DZANK1: variants seen among roughly 807,000 people sequenced by gnomAD.
DZANK1 encodes double zinc ribbon and ankyrin repeat-containing protein 1.
Under a neutral mutation model 94.5 loss-of-function variants are expected in DZANK1, and 91 were observed. The ratio of observed to expected loss-of-function variants is 0.96; its 90% CI spans 0.81 to 1.15. The LOEUF is 1.15. DZANK1 is among the 50% of genes most tolerant of loss of function. DZANK1 has a pLI of 0.00. For synonymous variants in DZANK1, 312 were observed against 325.3 expected (o/e 0.96, Z 0.44); for missense variants, 903 against 916.4 (o/e 0.99, Z 0.19).
intron 13 of DZANK1, among the ~76,000 whole-genome samples, chr20:18,407,648 T>C (rs1334425458): frequency 6.6e-6 from 1 of 152,190 alleles, no homozygotes; most frequent in Non-Finnish European, 1.5e-5. Context: ...AAAATAGCTG[T>C]TTTAAGGAAA....
At chr20:18,413,064 C>T (rs145724539) in intron 12 of DZANK1, 1 of 593,092 alleles carries the variant, frequency 1.7e-6, no homozygotes, top group African/African-American at 1.9e-5. Flanking sequence ...CATTTATTAT[C>T]TAAAAGTCAG....
intron 13 of DZANK1, among the ~76,000 whole-genome samples, chr20:18,412,422 T>C (rs188528856): frequency 1.3e-5 from 2 of 152,304 alleles, no homozygotes; most frequent in Non-Finnish European, 2.9e-5. Flanking sequence ...GGAACTAGAC[T>C]ACAGGGCTAT....
chr20:18,386,882 A>AGAAC (rs201199678), intron 19 of DZANK1, among the ~76,000 whole-genome samples: 4,117 of 152,352 alleles, frequency 0.027, 90 homozygotes, highest in African/African-American at 0.057. Flanking sequence ...GCTTTCAGAA[A>AGAAC]AAACAGGTCA....
chr20:18,385,197 A>G, intron 19 of DZANK1, 107 bp from the exon 20 acceptor site: 1 of 1,025,736 alleles, frequency 9.7e-7, no homozygotes, highest in Non-Finnish European at 1.5e-6. Context: ...GACCTACTTA[A>G]CTAACCTGGG....
In DZANK1 at chr20:18,390,412, TC is replaced by T. The variant is rs914202900; in HGVS notation, c.1856del (p.Gly619GlufsTer5). ...GCAGCTGTTCAATCACAGAGACTCT[TC>T]CTTCCCCCGTGGGTCCGACTTCCTT... On this transcript the variant is annotated frameshift_variant, in exon 18 of 21. Coordinates refer to ENST00000262547, the Ensembl canonical transcript of DZANK1. LOFTEE classifies it high-confidence loss of function. 1 of 1,613,982 alleles carries T rather than the reference TC, an allele frequency of 6.2e-7. No individual in the cohort carries two copies. The highest frequency in any genetic ancestry group is 1.3e-5 in the African/African-American group (1 of 75,046).
At chr20:18,455,821 G>T (rs560376024) in intron 3 of DZANK1, among the ~76,000 whole-genome samples, 9 of 152,150 alleles carry the variant, frequency 5.9e-5, no homozygotes, top group African/African-American at 2.2e-4. Context: ...TCTCTCTCAT[G>T]TGGTTAGCTT....
intron 10 of DZANK1, among the ~76,000 whole-genome samples, chr20:18,426,726 G>A (rs3818216): frequency 0.12 from 17,535 of 152,208 alleles, 1,605 homozygotes; most frequent in East Asian, 0.53. Flanking sequence ...GGACTATGGG[G>A]TGTGGGAAGG....
intron 8 of DZANK1, among the ~76,000 whole-genome samples, chr20:18,435,729 T>G (rs2058493829): frequency 1.3e-5 from 2 of 151,834 alleles, no homozygotes; most frequent in South Asian, 4.2e-4. Context: ...ACCTGCATGT[T>G]CTGCACATGT....
intron 12 of DZANK1, chr20:18,413,366 T>C (rs2057345269): frequency 6.5e-6 from 1 of 154,126 alleles, no homozygotes; most frequent in Non-Finnish European, 1.4e-5. Context: ...ACCAGTATAT[T>C]ACAAGCAATT....
intron 13 of DZANK1, among the ~76,000 whole-genome samples, chr20:18,406,607 A>ATTGTAGTG (rs2056979529): frequency 6.6e-6 from 1 of 152,246 alleles, no homozygotes; most frequent in Non-Finnish European, 1.5e-5. Context: ...GGGAAGACCC[A>ATTGTAGTG]GCACATTCCA....
At chr20:18,443,918 C>T (rs372684541) in intron 7 of DZANK1, among the ~76,000 whole-genome samples, 3 of 152,296 alleles carry the variant, frequency 2.0e-5, no homozygotes, top group African/African-American at 7.2e-5. Flanking sequence ...TTTCTCTTTG[C>T]CCACCTTTGC....
intron 9 of DZANK1, among the ~76,000 whole-genome samples, chr20:18,431,536 A>C (rs2058287117): frequency 6.6e-6 from 1 of 152,192 alleles, no homozygotes; most frequent in Non-Finnish European, 1.5e-5. Flanking sequence ...CACCCTTATG[A>C]CATCTGGGAG....
chr20:18,412,723 T>A (rs1198698231), exon 13 of DZANK1: 1 of 1,613,764 alleles, frequency 6.2e-7, no homozygotes, highest in South Asian at 1.1e-5. Flanking sequence ...AGAGGCTAGT[T>A]CCTGTTCCTT....
intron 9 of DZANK1, among the ~76,000 whole-genome samples, chr20:18,427,409 A>G (rs564901604): frequency 6.6e-5 from 10 of 151,732 alleles, no homozygotes; most frequent in African/African-American, 2.4e-4. Context: ...TCTGGTGTCC[A>G]GCTCCTGGCC....
At chr20:18,385,482 C>G (rs2048427925) in intron 19 of DZANK1, among the ~76,000 whole-genome samples, 1 of 149,908 alleles carries the variant, frequency 6.7e-6, no homozygotes, top group Admixed American at 6.6e-5. Flanking sequence ...GTGGTGTGAT[C>G]TCGGCTCACT....
chr20:18,421,560 A>G (rs180954830), intron 10 of DZANK1: 2 of 152,246 alleles, frequency 1.3e-5, no homozygotes, highest in Non-Finnish European at 2.9e-5. Context: ...GTTTGCATTT[A>G]TCAGAAGCTC....
chr20:18,438,135 C>A (rs957259086), intron 8 of DZANK1, among the ~76,000 whole-genome samples: 9 of 137,356 alleles, frequency 6.6e-5, no homozygotes, highest in African/African-American at 2.4e-4. Context: ...AGGAGAATGG[C>A]GTGAACCTGG....
At chr20:18,401,022 C>T (rs1321694908) in intron 13 of DZANK1, among the ~76,000 whole-genome samples, 21 of 151,930 alleles carry the variant, frequency 1.4e-4, no homozygotes, top group Admixed American at 3.9e-4. Flanking sequence ...CTGCAACCTC[C>T]GCCTCCCGGG....
chr20:18,456,279 T>C (rs2059286567), intron 3 of DZANK1, among the ~76,000 whole-genome samples: 1 of 152,210 alleles, frequency 6.6e-6, no homozygotes, highest in African/African-American at 2.4e-5. Context: ...TCATAATATT[T>C]CACAATTCAT....
Sources: allele counts gnomAD v4.1 joint callset (sites outside exome capture counted in the v4.1 genomes callset), GRCh38; gene constraint gnomAD v4.1.1; transcripts MANE v1.5; gene names NCBI Gene and HGNC (gene_info 2026-07-23, HGNC 2026-07-21).